The following PLCB1 variants were observed in gnomAD, a reference collection of about 807,000 sequenced individuals.
PLCB1 encodes phospholipase C beta 1, also known as 1-phosphatidylinositol 4,5-bisphosphate phosphodiesterase beta-1.
Under a neutral mutation model 161.8 loss-of-function variants are expected in PLCB1, and 46 were observed. The ratio of observed to expected loss-of-function variants is 0.28; its 90% CI spans 0.22 to 0.36. The LOEUF (loss-of-function observed/expected upper bound fraction) is 0.36. Among genes scored for constraint, PLCB1 ranks in the 10% least tolerant of loss-of-function variants. The probability of loss-of-function intolerance (pLI) is 1.00; values close to 1 mark genes in which losing one functional copy is unlikely to be tolerated. For synonymous variants in PLCB1, 517 were observed against 503.7 expected, an observed-to-expected ratio of 1.03 and a Z score of -0.35; for missense variants, 1,016 against 1,472.5, an observed-to-expected ratio of 0.69 and a Z score of 5.07.
At chr20:8,610,513 T>C (rs1170399980) in intron 3 of PLCB1, among the ~76,000 whole-genome samples, 1 of 152,216 alleles carries the variant, frequency 6.6e-6, no homozygotes, top group Non-Finnish European at 1.5e-5. Context: ...ATGTAATTGC[T>C]GGGTCATATG....
chr20:8,322,059 C>A (rs1984944559), intron 2 of PLCB1, among the ~76,000 whole-genome samples: 1 of 152,194 alleles, frequency 6.6e-6, no homozygotes, highest in Non-Finnish European at 1.5e-5. Context: ...AGGGGCGGAT[C>A]TGAGGCATGT....
intron 3 of PLCB1, among the ~76,000 whole-genome samples, chr20:8,516,449 A>C (rs945123542): frequency 1.3e-5 from 2 of 152,080 alleles, no homozygotes; most frequent in African/African-American, 2.4e-5. Flanking sequence ...GTCATCTCCT[A>C]TGGAAGTGAA....
chr20:8,721,263 A>G (rs1191580249), intron 14 of PLCB1, among the ~76,000 whole-genome samples: 1 of 152,238 alleles, frequency 6.6e-6, no homozygotes, highest in East Asian at 1.9e-4. Flanking sequence ...GGCAGTGGGC[A>G]GGGGTGCAAG....
intron 3 of PLCB1, among the ~76,000 whole-genome samples, chr20:8,504,520 G>A (rs1296906670): frequency 3.3e-5 from 5 of 152,154 alleles, no homozygotes; most frequent in African/African-American, 1.2e-4. Flanking sequence ...AGATGGTTGT[G>A]TTACACATGA....
At chr20:8,663,405 T>G (rs1363182864) in intron 9 of PLCB1, among the ~76,000 whole-genome samples, 2 of 152,018 alleles carry the variant, frequency 1.3e-5, no homozygotes, top group South Asian at 2.1e-4. Flanking sequence ...AATGAAAAAT[T>G]TTTAGTGTCA....
At chr20:8,665,162 C>T (rs994859120) in intron 9 of PLCB1, among the ~76,000 whole-genome samples, 23 of 152,268 alleles carry the variant, frequency 1.5e-4, no homozygotes, top group African/African-American at 5.5e-4. Context: ...AAAACTAGTT[C>T]AGAAATCATT....
At chr20:8,293,899 A>G (rs1983504092) in intron 2 of PLCB1, among the ~76,000 whole-genome samples, 1 of 152,142 alleles carries the variant, frequency 6.6e-6, no homozygotes, top group Non-Finnish European at 1.5e-5. Context: ...AAGGGACTAG[A>G]GAAAGGGCGG....
chr20:8,397,576 C>A (rs1171661616), intron 3 of PLCB1, among the ~76,000 whole-genome samples: 1 of 152,090 alleles, frequency 6.6e-6, no homozygotes, highest in African/African-American at 2.4e-5. Flanking sequence ...TAAGGAAACA[C>A]ACACACAAAC....
At chr20:8,254,136 C>G (rs1476379673) in intron 2 of PLCB1, among the ~76,000 whole-genome samples, 1 of 151,928 alleles carries the variant, frequency 6.6e-6, no homozygotes, top group African/African-American at 2.4e-5. Context: ...TTTCAGAGAA[C>G]CTTTTCCCTG....
intron 3 of PLCB1, among the ~76,000 whole-genome samples, chr20:8,489,088 C>T (rs1420732319): frequency 1.3e-5 from 2 of 152,076 alleles, no homozygotes; most frequent in Admixed American, 1.3e-4. Flanking sequence ...TCCTCGTATA[C>T]TTATTGAATA....
rs75848513 is a variant in PLCB1 at position 8,576,960 on chromosome 20, G to A, written c.247-51334G>A. ...CCGAGTGCATGGAAGGAGGTACAGA[G>A]GTAATATTAGAGAGCTGACCTTAAT... On this transcript the variant is annotated intron_variant, in intron 3 of 31. Transcript: ENST00000338037. Among the ~76,000 whole-genome samples the A allele has an allele frequency of 4.2e-3, 638 of 152,118 alleles. 38 individuals are homozygous for A. In the East Asian group the frequency reaches 0.11, roughly 27 times the overall value.
chr20:8,682,607 C>T (rs1249680024), intron 9 of PLCB1, among the ~76,000 whole-genome samples: 1 of 152,148 alleles, frequency 6.6e-6, no homozygotes, highest in African/African-American at 2.4e-5. Flanking sequence ...AAGATTTTTA[C>T]TGTGGTAAAT....
intron 9 of PLCB1, among the ~76,000 whole-genome samples, chr20:8,678,183 T>C (rs1305845497): frequency 3.9e-5 from 6 of 152,160 alleles, no homozygotes. Flanking sequence ...TAAAAAATTG[T>C]GCATGAAGAT....
At chr20:8,496,748 A>C (rs1488076348) in intron 3 of PLCB1, among the ~76,000 whole-genome samples, 1 of 152,236 alleles carries the variant, frequency 6.6e-6, no homozygotes, top group Non-Finnish European at 1.5e-5. Context: ...AGAGCAGATC[A>C]TAAGTCAATA....
At chr20:8,877,297 G>A (rs1987814707) in intron 31 of PLCB1, among the ~76,000 whole-genome samples, 1 of 152,198 alleles carries the variant, frequency 6.6e-6, no homozygotes. Context: ...TCCACAGTTG[G>A]ACCTAACTTC....
chr20:8,431,818 G>A (rs1488161218), intron 3 of PLCB1, among the ~76,000 whole-genome samples: 1 of 152,148 alleles, frequency 6.6e-6, no homozygotes, highest in African/African-American at 2.4e-5. Context: ...TAAAATTTGA[G>A]TTGAAAGGGC....
intron 3 of PLCB1, among the ~76,000 whole-genome samples, chr20:8,407,346 A>G (rs1978829048): frequency 6.6e-6 from 1 of 152,174 alleles, no homozygotes; most frequent in Non-Finnish European, 1.5e-5. Context: ...TTCTCAGTGG[A>G]GAAACCTGAC....
At chr20:8,141,764 G>A (rs2051406320) in intron 1 of PLCB1, 2 of 152,236 alleles carry the variant, frequency 1.3e-5, no homozygotes, top group South Asian at 2.1e-4. Flanking sequence ...TTTCATTGTC[G>A]AGTAAGTGAC....
intron 31 of PLCB1, among the ~76,000 whole-genome samples, chr20:8,863,291 C>G (rs150381652): frequency 1.5e-3 from 224 of 152,288 alleles, no homozygotes; most frequent in African/African-American, 4.9e-3. Context: ...CTGCATCTGA[C>G]AATAATCAAG....
Sources: allele counts gnomAD v4.1 joint callset (sites outside exome capture counted in the v4.1 genomes callset), GRCh38; gene constraint gnomAD v4.1.1; transcripts MANE v1.5; gene names NCBI Gene and HGNC (gene_info 2026-07-23, HGNC 2026-07-21).